Variants in SDK2 observed in about 807,000 individuals in gnomAD.
SDK2 encodes protein sidekick-2.
SDK2 carries 105 observed loss-of-function variants against 253.9 expected under a neutral mutation model. The ratio of observed to expected loss-of-function variants is 0.41; its 90% CI spans 0.35 to 0.49. SDK2 has a LOEUF of 0.49. Among genes scored for constraint, SDK2 ranks in the 20% least tolerant of loss-of-function variants. The pLI is 0.06. For missense variants in SDK2, 2,608 were observed against 3,003.0 expected, an observed-to-expected ratio of 0.87 and a Z score of 3.07; for synonymous variants, 1,249 against 1,234.9, an observed-to-expected ratio of 1.01 and a Z score of -0.24.
chr17:73,627,052 G>A (rs2046211126), intron 1 of SDK2, among the ~76,000 whole-genome samples: 1 of 152,200 alleles, frequency 6.6e-6, no homozygotes, highest in East Asian at 1.9e-4. Context: ...CTGCCAGCAT[G>A]AGCATCTTGT....
At chr17:73,551,412 C>T (rs894786739) in intron 1 of SDK2, among the ~76,000 whole-genome samples, 32 of 152,294 alleles carry the variant, frequency 2.1e-4, no homozygotes, top group African/African-American at 5.5e-4. Context: ...GAGTCACTGA[C>T]GGTCTAAGTG....
chr17:73,405,075 C>T (rs1208596139), intron 18 of SDK2, among the ~76,000 whole-genome samples: 1 of 147,312 alleles, frequency 6.8e-6, no homozygotes, highest in African/African-American at 2.5e-5. Context: ...TGTCTCCTGT[C>T]CCTGGTGGAG....
At chr17:73,573,781 C>T (rs751853014) in intron 1 of SDK2, among the ~76,000 whole-genome samples, 2 of 152,250 alleles carry the variant, frequency 1.3e-5, no homozygotes, top group Non-Finnish European at 2.9e-5. Context: ...CAGTGACTGC[C>T]ACTCACACCC....
chr17:73,511,169 C>T lies in SDK2; in HGVS notation c.65-3572G>A, dbSNP rs1189704392. 6.6e-6 allele frequency among the ~76,000 whole-genome samples: 1 copy of T among 152,200 alleles called. No homozygotes were observed. Among genetic ancestry groups the T allele is most frequent in the African/African-American group, 2.4e-5 (1 of 41,462 alleles). ...CAGCTTTCAAGAGCCCTTTGAATCG[C>T]GCTTTTAAAAACCCTCTGTTCATTG... On this transcript the variant is annotated intron_variant, in intron 1 of 44. Transcript: ENST00000392650. This position sits in a 1 kb window ranked among gnomAD's most constrained non-coding sequence, Gnocchi z 4.9.
chr17:73,421,701 A>G (rs2063232490), intron 15 of SDK2, among the ~76,000 whole-genome samples: 1 of 69,572 alleles, frequency 1.4e-5, no homozygotes, highest in Middle Eastern at 6.0e-3. Flanking sequence ...AGCTGGGATT[A>G]CAGGCGCCCA....
rs769970592 is a variant in SDK2, at chr17:73,338,728, G to A, written c.6378C>T (p.Leu2126=). ...TNSTSTQQGS[L]FRPKASRTPT... is the part of the protein sequence containing the mutation. Reference sequence around the variant, plus strand: ...GAGTCCGACTGGCCTTGGGCCGAAAGAGGCTGCCCTGCTGGGTGCTGGTGC... The same window carrying A: ...GAGTCCGACTGGCCTTGGGCCGAAAAAGGCTGCCCTGCTGGGTGCTGGTGC... Residue 2126 remains leucine (L), a synonymous_variant, in exon 45 of 45, where the codon CTC becomes CTT. Transcript: ENST00000392650. The surrounding 1 kb of genome is among the most constrained non-coding windows in gnomAD (Gnocchi z 5.0). 6 of 1,613,084 alleles carry A rather than the reference G, an allele frequency of 3.7e-6. No individual in the cohort carries two copies. The highest frequency in any genetic ancestry group is 5.1e-6 in the Non-Finnish European group (6 of 1,179,478).
chr17:73,470,290 A>AACAC (rs150420133), intron 3 of SDK2, among the ~76,000 whole-genome samples: 4 of 143,796 alleles, frequency 2.8e-5, no homozygotes, highest in East Asian at 2.1e-4. Flanking sequence ...CATGCATGCA[A>AACAC]ACACACACAC....
rs2062848818 is a variant in SDK2, at chr17:73,383,526, G to C, written c.4705+350C>G. On this transcript the variant is annotated intron_variant, in intron 33 of 44. Transcript: ENST00000392650. This position sits in a 1 kb window ranked among gnomAD's most constrained non-coding sequence, Gnocchi z 4.3. ...AACTTGGCATCATCCTTCCGTGTTA[G>C]CGCCAGTGCTGGTGCCGGGGAAGCC... 6.6e-6 allele frequency among the ~76,000 whole-genome samples: 1 copy of C among 152,174 alleles called. No homozygotes were observed. Among genetic ancestry groups the C allele is most frequent in the South Asian group, 2.1e-4 (1 of 4,832 alleles).
chr17:73,367,846 G>A (rs1334123579), intron 37 of SDK2, among the ~76,000 whole-genome samples: 2 of 152,054 alleles, frequency 1.3e-5, no homozygotes, highest in African/African-American at 4.8e-5. Flanking sequence ...CCTCAGGGAG[G>A]GCTTTGTGGG....
chr17:73,515,981 G>T (rs2064023349), intron 1 of SDK2, among the ~76,000 whole-genome samples: 1 of 152,194 alleles, frequency 6.6e-6, no homozygotes, highest in Admixed American at 6.5e-5. Context: ...ACCATTGGGG[G>T]TGACCACATA....
chr17:73,617,709 G>T (rs1289033704), intron 1 of SDK2, among the ~76,000 whole-genome samples: 2 of 152,166 alleles, frequency 1.3e-5, no homozygotes, highest in Non-Finnish European at 2.9e-5. Context: ...AATAATTAGT[G>T]AGTCTGTCCC....
At chr17:73,359,741 G>A (rs997033375) in intron 39 of SDK2, among the ~76,000 whole-genome samples, 1 of 152,176 alleles carries the variant, frequency 6.6e-6, no homozygotes, top group Non-Finnish European at 1.5e-5. Context: ...CACCTCCTGG[G>A]CTCAAACGAT....
chr17:73,638,257 C>T (rs988012208), intron 1 of SDK2, among the ~76,000 whole-genome samples: 14 of 152,182 alleles, frequency 9.2e-5, no homozygotes, highest in African/African-American at 3.4e-4. Context: ...ATGCTGACTC[C>T]TCCTACGTGC....
chr17:73,525,586 G>A (rs968823505), intron 1 of SDK2, among the ~76,000 whole-genome samples: 1 of 152,124 alleles, frequency 6.6e-6, no homozygotes, highest in Non-Finnish European at 1.5e-5. Context: ...TGTGGGAGGC[G>A]GCGAGGTGGC....
chr17:73,468,440 C>G (rs146143458), intron 3 of SDK2, among the ~76,000 whole-genome samples: 2 of 152,146 alleles, frequency 1.3e-5, no homozygotes. Context: ...AGTCACTTCC[C>G]TGGGGTCACA....
At chr17:73,433,633 G>T in intron 10 of SDK2, 99 bp downstream of exon 10, 1 of 830,764 alleles carries the variant, frequency 1.2e-6, no homozygotes, top group Non-Finnish European at 2.0e-6. Flanking sequence ...CTTCACAAGT[G>T]TACGTGGGGA....
Position 73,421,184 on chromosome 17 carries a change from C to T in SDK2, c.2045+1103G>A, listed in dbSNP as rs141139514. ...AGTGGTCCAAACGTGGCATGGCACA[C>T]GGTAGCTGCTCAGTAAACAGTGAGT... On this transcript the variant is annotated intron_variant, in intron 15 of 44. Transcript: ENST00000392650. 8.7e-3 allele frequency among the ~76,000 whole-genome samples: 1,327 copies of T among 152,326 alleles called. 5 individuals are homozygous for T. Among genetic ancestry groups the T allele is most frequent in the Middle Eastern group, 0.02 (6 of 294 alleles).
At chr17:73,345,830 A>C (rs2062478155) in intron 44 of SDK2, among the ~76,000 whole-genome samples, 1 of 152,140 alleles carries the variant, frequency 6.6e-6, no homozygotes, top group South Asian at 2.1e-4. Context: ...TTCACGAACA[A>C]TCCTTAGAAT....
intron 1 of SDK2, among the ~76,000 whole-genome samples, chr17:73,608,797 C>A (rs1349850296): frequency 6.6e-6 from 1 of 151,994 alleles, no homozygotes; most frequent in African/African-American, 2.4e-5. Context: ...TAACAGCAGC[C>A]CACACTCAAG....
Sources: allele counts gnomAD v4.1 joint callset (sites outside exome capture counted in the v4.1 genomes callset), GRCh38; gene constraint gnomAD v4.1.1; non-coding constraint Gnocchi (gnomAD v3.1); transcripts MANE v1.5; gene names NCBI Gene and HGNC (gene_info 2026-07-23, HGNC 2026-07-21).